The following C6orf132 variants were observed in gnomAD, a reference collection of about 807,000 sequenced individuals.
The protein encoded by C6orf132 is chromosome 6 open reading frame 132.
In C6orf132, 43 loss-of-function variants were observed where a neutral mutation model predicts 65.3. That is an observed-to-expected ratio of 0.66 (90% CI 0.52 to 0.85). The LOEUF is 0.85. C6orf132 is among the 40% of genes least tolerant of loss of function. The probability of loss-of-function intolerance (pLI) is 0.00; values close to 1 mark genes in which losing one functional copy is unlikely to be tolerated. For synonymous variants in C6orf132, 631 were observed against 654.1 expected, an observed-to-expected ratio of 0.96 and a Z score of 0.54; for missense variants, 1,488 against 1,548.8, an observed-to-expected ratio of 0.96 and a Z score of 0.66.
chr6:42,122,038 A>G (rs3925026), intron 2 of C6orf132, among the ~76,000 whole-genome samples: 89,454 of 152,118 alleles, frequency 0.59, 27,527 homozygotes, highest in African/African-American at 0.75. Flanking sequence ...CAGAGCAGCT[A>G]TGAAGTTGGG....
Position 42,107,366 on chromosome 6 carries a change from GGGTGGGGGTTCCAGCAGCAGGGGAGGT to G in C6orf132, c.519_545del (p.Leu176_Pro184del), listed in dbSNP as rs748748025. ...GTGGAGGTGGGGCCATGCTGGGCGG[GGGTGGGGGTTCCAGCAGCAGGGGAGGT>G]GGTGGGGGTGCTGTGGAAGGTGGAG... is the stretch of plus-strand genomic sequence containing the variant. On this transcript the variant is annotated inframe_deletion, in exon 4 of 5. Coordinates refer to ENST00000341865, the MANE Select transcript of C6orf132 (RefSeq NM_001164446.3). The G allele has an allele frequency of 0.096, 100,728 of 1,053,506 alleles. 4,994 individuals carry two copies. The highest frequency in any genetic ancestry group is 0.12 in the Middle Eastern group (400 of 3,256). The allele number at this position is 1,053,506 out of a possible 1,614,324, so 65.3% of individuals were successfully genotyped here.
chr6:42,142,610 T>G lies in C6orf132; in HGVS notation c.-166A>C. 1 of 592,900 alleles carries G rather than the reference T, an allele frequency of 1.7e-6. No homozygotes were observed. Among genetic ancestry groups the G allele is most frequent in the Non-Finnish European group, 2.6e-6 (1 of 384,998 alleles). The allele number at this position is 592,900 out of a possible 1,614,324, so 36.7% of individuals were successfully genotyped here. A position where few individuals can be genotyped will look rare whatever the true frequency, so the allele number is the denominator to read the frequency against. ...AACAGGTGCTGCGGGCGCCGCCGCT[T>G]GCCGGGAAATGCGAGCTACCTGGCC... On this transcript the variant is annotated 5_prime_UTR_variant, in exon 1 of 5. Transcript: ENST00000341865.
In C6orf132 at chr6:42,107,299, A is replaced by T. The variant is rs1349852039; in HGVS notation, c.613T>A (p.Ser205Thr). ...EALSPPHTLS[S>T]PSIPTPPDFI... ...TCAGGAGGGGTGGGTATGGATGGGG[A>T]GGAAAGAGTGTGTGGTGGGGATAGG... is the stretch of plus-strand genomic sequence containing the variant. The change falls in exon 4 of 5, where the codon TCC (serine) becomes ACC (threonine). Residue 205 changes from serine to threonine, a missense_variant. Ser to Thr is a moderately conservative substitution (Grantham distance 58, BLOSUM62 1). Coordinates refer to ENST00000341865, the MANE Select transcript of C6orf132 (RefSeq NM_001164446.3). The T allele has an allele frequency of 8.9e-7, 1 of 1,124,714 alleles. No homozygotes were observed. The allele number at this position is 1,124,714 out of a possible 1,614,324, so 69.7% of individuals were successfully genotyped here.
At chr6:42,116,164 G>A (rs929997537) in intron 2 of C6orf132, among the ~76,000 whole-genome samples, 4 of 151,708 alleles carry the variant, frequency 2.6e-5, no homozygotes, top group Non-Finnish European at 4.4e-5. Context: ...TCCTGAGCTT[G>A]TGATCCGCCC....
intron 1 of C6orf132, among the ~76,000 whole-genome samples, chr6:42,139,241 C>T (rs994821240): frequency 3.3e-5 from 5 of 152,276 alleles, no homozygotes; most frequent in Non-Finnish European, 5.9e-5. Flanking sequence ...ACTCAGGGGC[C>T]CTATGGAACT....
At chr6:42,111,943 C>T (rs111632443) in intron 2 of C6orf132, among the ~76,000 whole-genome samples, 3 of 152,178 alleles carry the variant, frequency 2.0e-5, no homozygotes, top group African/African-American at 7.2e-5. Flanking sequence ...ATGACCTGGC[C>T]TCATGCTTCC....
chr6:42,115,928 C>CTT (rs1273830435), intron 2 of C6orf132, among the ~76,000 whole-genome samples: 2 of 117,582 alleles, frequency 1.7e-5, no homozygotes, highest in Non-Finnish European at 3.6e-5. Context: ...TTTTCTTTTT[C>CTT]TTTTTCTTTT....
Position 42,106,884 on chromosome 6 carries a change from C to G in C6orf132, c.1028G>C (p.Ser343Thr). ...KAPSRLPLPP[S>T]FHIRPASQVY... is the part of the protein sequence containing the mutation. ...CTGGGAGGCGGGGCGGATGTGGAAG[C>G]TGGGAGGCAGTGGGAGTCGGCTGGG... Residue 343 changes from serine to threonine, a missense_variant, in exon 4 of 5, where the codon AGC becomes ACC. By Grantham distance (58) the Ser-to-Thr change is moderately conservative (BLOSUM62 1). Coordinates refer to ENST00000341865, the MANE Select transcript of C6orf132 (RefSeq NM_001164446.3). The G allele has an allele frequency of 6.5e-7, 1 of 1,535,168 alleles. No individual in the cohort carries two copies. Among genetic ancestry groups the G allele is most frequent in the Non-Finnish European group, 8.7e-7 (1 of 1,145,892 alleles).
Position 42,107,342 on chromosome 6 carries a change from TG to T in C6orf132, c.569del (p.Pro190HisfsTer35). The T allele has an allele frequency of 1.7e-6, 1 of 596,680 alleles. No homozygotes were observed. The highest frequency in any genetic ancestry group is 2.1e-6 in the Non-Finnish European group (1 of 465,584). The allele number at this position is 596,680 out of a possible 1,614,324, so 37.0% of individuals were successfully genotyped here. Reference protein sequence around the residue: ...PPPPPSMAPPPPPVLEALSPP... With the variant: ...PPPPPSMAPPXPPVLEALSPP... ...GGGATAGGGCCTCCAATACTGGGGG[TG>T]GAGGTGGGGCCATGCTGGGCGGGGG... On this transcript the variant is annotated frameshift_variant, in exon 4 of 5. Coordinates refer to ENST00000341865, the MANE Select transcript of C6orf132 (RefSeq NM_001164446.3). LOFTEE classifies it high-confidence loss of function.
Position 42,142,323 on chromosome 6 carries a change from G to A in C6orf132, c.122C>T (p.Pro41Leu), listed in dbSNP as rs531712350. ...NPPWIFTQEA[P>L]EEGTGGFDGI... ...ACCGAAGCCCCCGGTCCCCTCCTCC[G>A]GGGCCTCCTGGGTGAAGATCCAGGG... The change falls in exon 1 of 5, where the codon CCG becomes CTG. Residue 41 changes from proline to leucine, a missense_variant. By Grantham distance (98) the Pro-to-Leu change is moderately conservative. Transcript: ENST00000341865. 26 of 1,551,060 alleles carry A rather than the reference G, an allele frequency of 1.7e-5. No homozygotes were observed. The highest frequency in any genetic ancestry group is 1.4e-4 in the Admixed American group (7 of 50,978).
intron 2 of C6orf132, among the ~76,000 whole-genome samples, chr6:42,121,306 A>C (rs969859526): frequency 6.6e-6 from 1 of 152,226 alleles, no homozygotes; most frequent in Non-Finnish European, 1.5e-5. Context: ...ATGGTCAGGG[A>C]CAGGTCACCA....
At chr6:42,112,406 T>C (rs553413009) in intron 2 of C6orf132, among the ~76,000 whole-genome samples, 1 of 152,234 alleles carries the variant, frequency 6.6e-6, no homozygotes, top group Non-Finnish European at 1.5e-5. Flanking sequence ...GGCTCTGGCT[T>C]TCCAGCCTGT....
At chr6:42,113,740 A>C (rs1383538381) in intron 2 of C6orf132, among the ~76,000 whole-genome samples, 11 of 152,182 alleles carry the variant, frequency 7.2e-5, no homozygotes, top group Non-Finnish European at 1.5e-5. Context: ...TGCTTGAACC[A>C]GGGAGGCAGA....
intron 1 of C6orf132, among the ~76,000 whole-genome samples, chr6:42,135,280 A>C (rs11754449): frequency 0.14 from 21,600 of 152,246 alleles, 1,637 homozygotes; most frequent in African/African-American, 0.18. Flanking sequence ...AGGCTGGATC[A>C]AGGTTGCCTA....
intron 3 of C6orf132, among the ~76,000 whole-genome samples, chr6:42,109,730 G>A (rs753200845): frequency 1.3e-5 from 2 of 152,232 alleles, no homozygotes; most frequent in Middle Eastern, 3.4e-3. Context: ...TGAGTGACAC[G>A]GGAAGCCATT....
intron 1 of C6orf132, among the ~76,000 whole-genome samples, chr6:42,139,215 G>C (rs1766997232): frequency 6.6e-6 from 1 of 152,188 alleles, no homozygotes; most frequent in African/African-American, 2.4e-5. Flanking sequence ...CCCCAGGCTT[G>C]AGGGGAATGT....
At chr6:42,123,465 G>A (rs1385943609) in intron 2 of C6orf132, among the ~76,000 whole-genome samples, 1 of 117,090 alleles carries the variant, frequency 8.5e-6, no homozygotes, top group African/African-American at 3.0e-5. Context: ...AGGAGAAGGA[G>A]AAGAAGGAGA....
Position 42,104,816 on chromosome 6 carries a change from C to CG in C6orf132, c.3095dup (p.Ala1033GlyfsTer163), listed in dbSNP as rs1766363295. On this transcript the variant is annotated frameshift_variant, in exon 4 of 5. Transcript: ENST00000341865. LOFTEE classifies it high-confidence loss of function. The surrounding 1 kb of genome is among the most constrained non-coding windows in gnomAD (Gnocchi z 4.1). ...CGGGAAAGCGCGAGAAGCCGAGAGC[C>CG]GGGGGCGCCCCGGGGCCAGCGTTCG... The CG allele has an allele frequency of 6.8e-7, 1 of 1,470,194 alleles. No homozygotes were observed. The highest frequency in any genetic ancestry group is 8.9e-7 in the Non-Finnish European group (1 of 1,117,356). The allele number at this position is 1,470,194 out of a possible 1,614,324, so 91.1% of individuals were successfully genotyped here.
rs776612451 is a variant in C6orf132, at chr6:42,106,388, G to A, written c.1524C>T (p.Arg508=). The A allele has an allele frequency of 6.5e-7, 1 of 1,536,142 alleles. No homozygotes were observed. The highest frequency in any genetic ancestry group is 2.4e-5 in the East Asian group (1 of 40,898). The change falls in exon 4 of 5, where the codon CGC becomes CGT. Residue 508 remains arginine (R), a synonymous_variant. Transcript: ENST00000341865. ...PQSKEGKKGP[R]LPEKETLLSL... is the part of the protein sequence containing the mutation. Reference sequence around the variant, plus strand: ...TCAGGAGAGTCTCCTTCTCAGGCAGGCGGGGGCCCTTCTTGCCCTCCTTGC... The same window carrying A: ...TCAGGAGAGTCTCCTTCTCAGGCAGACGGGGGCCCTTCTTGCCCTCCTTGC...
Sources: allele counts gnomAD v4.1 joint callset (sites outside exome capture counted in the v4.1 genomes callset), GRCh38; gene constraint gnomAD v4.1.1; non-coding constraint Gnocchi (gnomAD v3.1); transcripts MANE v1.5; gene names NCBI Gene and HGNC (gene_info 2026-07-23, HGNC 2026-07-21).